The following LMO7 variants were observed in gnomAD, a reference collection of about 807,000 sequenced individuals.
LMO7 encodes the protein LIM domain only protein 7.
Under a neutral mutation model 206.5 loss-of-function variants are expected in LMO7, and 120 were observed. The observed-to-expected ratio is 0.58, with a 90% confidence interval of 0.50 to 0.68. The LOEUF is 0.68. Ranked by LOEUF, LMO7 falls within the 30% of genes least tolerant of loss-of-function variation. LMO7 has a pLI of 0.00. For missense variants in LMO7, 1,959 were observed against 1,957.9 expected (o/e 1.00, Z -0.01); for synonymous variants, 706 against 681.5 (o/e 1.04, Z -0.56).
At chr13:75,726,288 T>C (rs1334638027) in intron 2 of LMO7, among the ~76,000 whole-genome samples, 1 of 152,000 alleles carries the variant, frequency 6.6e-6, no homozygotes, top group East Asian at 1.9e-4. Context: ...AATCTAGATT[T>C]AGAAGCAAAA....
chr13:75,719,403 G>C (rs199813528), intron 2 of LMO7, among the ~76,000 whole-genome samples: 4 of 152,120 alleles, frequency 2.6e-5, no homozygotes, highest in Admixed American at 6.6e-5. Context: ...GAATAAAACT[G>C]CTATGAACAT....
intron 1 of LMO7, among the ~76,000 whole-genome samples, chr13:75,673,987 C>G (rs1220433984): frequency 6.6e-6 from 1 of 152,172 alleles, no homozygotes; most frequent in African/African-American, 2.4e-5. Context: ...GAATTTAAAT[C>G]ATAGTTCTAG....
intron 2 of LMO7, among the ~76,000 whole-genome samples, chr13:75,722,645 TA>T (rs1469239976): frequency 6.6e-6 from 1 of 152,086 alleles, no homozygotes; most frequent in Non-Finnish European, 1.5e-5. Flanking sequence ...GGAGATTCCT[TA>T]AAGATCTGCC....
At chr13:75,631,877 G>GTT, upstream of LMO7, 1 of 152,184 alleles carries the variant, frequency 6.6e-6, no homozygotes, top group African/African-American at 2.4e-5. Flanking sequence ...GTCTACCGCC[G>GTT]TTACTCATTC....
At chr13:75,756,927 G>T (rs978252298) in intron 3 of LMO7, among the ~76,000 whole-genome samples, 5 of 152,168 alleles carry the variant, frequency 3.3e-5, no homozygotes, top group African/African-American at 1.2e-4. Flanking sequence ...ACTGAGGTGG[G>T]TCCAGAGAGT....
intron 4 of LMO7, among the ~76,000 whole-genome samples, chr13:75,774,096 T>C (rs2050082212): frequency 6.6e-6 from 1 of 152,130 alleles, no homozygotes; most frequent in Admixed American, 6.6e-5. Context: ...TTTATTGTGG[T>C]ATCATTTACC....
At chr13:75,708,749 C>A (rs73225954) in intron 1 of LMO7, among the ~76,000 whole-genome samples, 3,215 of 152,252 alleles carry the variant, frequency 0.021, 44 homozygotes, top group Non-Finnish European at 0.025. Context: ...ATATGCCATT[C>A]TCTTTGGGTA....
chr13:75,798,474 A>G (rs905847722), intron 6 of LMO7, among the ~76,000 whole-genome samples: 4 of 152,248 alleles, frequency 2.6e-5, no homozygotes, highest in East Asian at 1.9e-4. Flanking sequence ...TACAGTGTCT[A>G]TGCCAGGAAT....
At chr13:75,639,755 T>C (rs761770519) in intron 1 of LMO7, among the ~76,000 whole-genome samples, 14 of 152,246 alleles carry the variant, frequency 9.2e-5, no homozygotes, top group Non-Finnish European at 1.9e-4. Context: ...TTTTTTAGTC[T>C]GTAAGTTAAT....
intron 11 of LMO7, among the ~76,000 whole-genome samples, chr13:75,811,782 G>A (rs1480785968): frequency 6.6e-6 from 1 of 152,160 alleles, no homozygotes; most frequent in African/African-American, 2.4e-5. Flanking sequence ...ATTTGGTCAT[G>A]TGTTTTGGCA....
rs753500602 is a variant in LMO7 at position 75,760,939 on chromosome 13, T to G, written c.218T>G (p.Ile73Arg). ...LSTPIAGLDN[I>R]NVFLKACEQI... ...TTCCACTTCTTTTCACAGGATAATA[T>G]AAACGTTTTCTTGAAAGCTTGTGAA... Residue 73 changes from isoleucine to arginine, a missense_variant, in exon 4 of 31, where the codon ATA becomes AGA. Coordinates refer to ENST00000377534, the MANE Select transcript of LMO7 (RefSeq NM_001306080.2). 2.5e-6 allele frequency: 4 copies of G among 1,613,302 alleles called. No individual in the cohort carries two copies. Among genetic ancestry groups the G allele is most frequent in the Admixed American group, 1.7e-5 (1 of 59,828 alleles).
At chr13:75,851,300 A>G (rs753497584) in intron 27 of LMO7, among the ~76,000 whole-genome samples, 2 of 152,252 alleles carry the variant, frequency 1.3e-5, no homozygotes, top group Non-Finnish European at 2.9e-5. Context: ...GGAATAATCC[A>G]TTTGTTTAAG....
intron 25 of LMO7, 27 bp downstream of exon 25, chr13:75,842,943 A>T (rs756809194): frequency 7.6e-7 from 1 of 1,313,644 alleles, no homozygotes; most frequent in Non-Finnish European, 1.1e-6. Context: ...ATTGTAATTT[A>T]ATTGATGATA....
intron 20 of LMO7, 87 bp from the exon 21 acceptor site, chr13:75,839,998 T>C: frequency 1.6e-6 from 2 of 1,254,972 alleles, no homozygotes; most frequent in East Asian, 2.3e-5. Flanking sequence ...AGACAGCTAA[T>C]GATAGAAGTT....
At chr13:75,737,772 T>TAAAAAAA (rs2045995353) in intron 3 of LMO7, among the ~76,000 whole-genome samples, 2 of 5,808 alleles carry the variant, frequency 3.4e-4, no homozygotes, top group Non-Finnish European at 2.6e-4. Context: ...AAAAATAAAA[T>TAAAAAAA]AAAATAAAAT....
intron 4 of LMO7, among the ~76,000 whole-genome samples, chr13:75,766,122 GA>G (rs2048836848): frequency 6.6e-6 from 1 of 151,992 alleles, no homozygotes; most frequent in South Asian, 2.1e-4. Context: ...TTAAACCAAA[GA>G]GATATTTTTG....
intron 3 of LMO7, among the ~76,000 whole-genome samples, chr13:75,733,579 C>T (rs902811058): frequency 5.3e-5 from 8 of 152,178 alleles, no homozygotes; most frequent in Admixed American, 6.5e-5. Context: ...TTGCGCTTCC[C>T]GAGTGAGGCA....
At chr13:75,825,681 T>C (rs2058053824) in intron 15 of LMO7, among the ~76,000 whole-genome samples, 1 of 152,232 alleles carries the variant, frequency 6.6e-6, no homozygotes, top group Non-Finnish European at 1.5e-5. Context: ...TGTCCTTTTC[T>C]GTGCCACTAG....
At chr13:75,776,162 G>GATATATATATATATATATATATATCTGAT (rs2050387694) in intron 4 of LMO7, among the ~76,000 whole-genome samples, 1 of 36,830 alleles carries the variant, frequency 2.7e-5, no homozygotes, top group Non-Finnish European at 6.0e-5. Flanking sequence ...ATATATATCG[G>GATATATATATATATATATATATATCTGAT]ATATATATAT....
Sources: allele counts gnomAD v4.1 joint callset (sites outside exome capture counted in the v4.1 genomes callset), GRCh38; gene constraint gnomAD v4.1.1; transcripts MANE v1.5; gene names NCBI Gene and HGNC (gene_info 2026-07-23, HGNC 2026-07-21).